RGS8: variants seen among roughly 807,000 people sequenced by gnomAD.
RGS8 encodes the protein regulator of G protein signaling 8.
Under a neutral mutation model 21.7 loss-of-function variants are expected in RGS8, and 8 were observed. The observed-to-expected ratio is 0.37, with a 90% confidence interval of 0.22 to 0.66. The LOEUF (loss-of-function observed/expected upper bound fraction) is 0.66, where lower values mean the gene tolerates loss of function less well. Ranked by LOEUF, RGS8 falls within the 30% of genes least tolerant of loss-of-function variation. The pLI is 0.59. For missense variants in RGS8, 157 were observed against 217.9 expected (o/e 0.72, Z 1.76); for synonymous variants, 80 against 83.6 (o/e 0.96, Z 0.24).
At chr1:182,668,109 A>C (rs975737242) in intron 3 of RGS8, among the ~76,000 whole-genome samples, 3 of 152,244 alleles carry the variant, frequency 2.0e-5, no homozygotes, top group Admixed American at 6.5e-5. Context: ...GCTGCTTTCA[A>C]CTACAAGGGC....
chr1:182,646,666 C>T, exon 7 of RGS8: 1 of 1,426,004 alleles, frequency 7.0e-7, no homozygotes, highest in Non-Finnish European at 9.7e-7. Flanking sequence ...TGACATTTCA[C>T]ATTAGAATAT....
chr1:182,721,053 A>AT, the RGS8 span, among the ~76,000 whole-genome samples: 2 of 88,396 alleles, frequency 2.3e-5, 1 homozygote, highest in South Asian at 6.9e-4. Context: ...ATACATACAT[A>AT]TATATGTGTG....
chr1:182,659,340 G>A (rs1472228876), intron 5 of RGS8, among the ~76,000 whole-genome samples: 1 of 152,206 alleles, frequency 6.6e-6, no homozygotes, highest in Non-Finnish European at 1.5e-5. Flanking sequence ...GTAGACAAAA[G>A]AAGTGTCCCC....
the RGS8 span, among the ~76,000 whole-genome samples, chr1:182,711,206 C>A: frequency 6.6e-6 from 1 of 152,166 alleles, no homozygotes; most frequent in Non-Finnish European, 1.5e-5. Context: ...TGATCACTTG[C>A]CTTTTTCAGG....
the RGS8 span, among the ~76,000 whole-genome samples, chr1:182,690,253 A>G: frequency 0.014 from 2,196 of 152,294 alleles, 59 homozygotes; most frequent in African/African-American, 0.05. Context: ...CCCCCCTGAC[A>G]TCTCATAACA....
rs1295912317 is a variant in RGS8, at chr1:182,663,058, A to AT, written c.193+2910dup. 1.1e-3 allele frequency among the ~76,000 whole-genome samples: 172 copies of AT among 152,008 alleles called. 1 individual carries two copies. Among genetic ancestry groups the AT allele is most frequent in the African/African-American group, 4.0e-3 (164 of 41,472 alleles). On this transcript the variant is annotated intron_variant, in intron 5 of 6. Transcript: ENST00000483095. Reference sequence around the variant, plus strand: ...GGGAGTGGGTTCTAGACTCCTGAACATTTTTTTTGGAGCCCAGTCATTCAG... The same window carrying AT: ...GGGAGTGGGTTCTAGACTCCTGAACATTTTTTTTTGGAGCCCAGTCATTCAG...
At chr1:182,673,396 G>A (rs934242099), upstream of RGS8, among the ~76,000 whole-genome samples, 1 of 152,080 alleles carries the variant, frequency 6.6e-6, no homozygotes, top group Non-Finnish European at 1.5e-5. Flanking sequence ...CATGCCAGAG[G>A]AGGCACAAGG....
the RGS8 span, among the ~76,000 whole-genome samples, chr1:182,693,740 G>C: frequency 1.3e-5 from 2 of 152,152 alleles, no homozygotes; most frequent in African/African-American, 4.8e-5. Flanking sequence ...TCAATGGGTG[G>C]ACTGGATAAA....
intron 6 of RGS8, among the ~76,000 whole-genome samples, chr1:182,647,137 T>C (rs1459579622): frequency 1.3e-5 from 2 of 152,198 alleles, no homozygotes; most frequent in Non-Finnish European, 2.9e-5. Flanking sequence ...TAGACAACAA[T>C]ACTGGAAAGA....
chr1:182,727,560 C>G, the RGS8 span, among the ~76,000 whole-genome samples: 1 of 152,072 alleles, frequency 6.6e-6, no homozygotes, highest in Non-Finnish European at 1.5e-5. Context: ...AACTCATAAC[C>G]TAAATGGAAT....
At chr1:182,715,389 G>A in the RGS8 span, among the ~76,000 whole-genome samples, 7 of 152,196 alleles carry the variant, frequency 4.6e-5, no homozygotes, top group South Asian at 6.2e-4. Flanking sequence ...ACCTGAGCAC[G>A]CTCCCCACTC....
At chr1:182,651,902 G>C (rs1373143727) in intron 5 of RGS8, among the ~76,000 whole-genome samples, 1 of 152,216 alleles carries the variant, frequency 6.6e-6, no homozygotes, top group African/African-American at 2.4e-5. Flanking sequence ...GTGAAGGGCT[G>C]GTTTAGCAAG....
chr1:182,714,783 C>T, the RGS8 span, among the ~76,000 whole-genome samples: 162 of 152,248 alleles, frequency 1.1e-3, 6 homozygotes, highest in East Asian at 0.026. Context: ...CAAAATATAA[C>T]TGAAACGTAA....
chr1:182,659,503 G>A (rs1366147768), intron 5 of RGS8, among the ~76,000 whole-genome samples: 1 of 152,140 alleles, frequency 6.6e-6, no homozygotes, highest in African/African-American at 2.4e-5. Context: ...GTTTGAGACT[G>A]GCCTGACCAA....
the RGS8 span, among the ~76,000 whole-genome samples, chr1:182,692,254 C>T: frequency 2.0e-5 from 3 of 152,192 alleles, no homozygotes; most frequent in East Asian, 1.9e-4. Context: ...CTGCCCACCT[C>T]GGCCTCCCAA....
At chr1:182,673,259 A>G (rs1664248022), upstream of RGS8, among the ~76,000 whole-genome samples, 2 of 152,348 alleles carry the variant, frequency 1.3e-5, no homozygotes, top group South Asian at 4.1e-4. Flanking sequence ...TTAAATGTAT[A>G]AAGCATTTTC....
upstream of RGS8, among the ~76,000 whole-genome samples, chr1:182,685,277 G>A (rs111718019): frequency 5.2e-4 from 79 of 152,296 alleles, no homozygotes; most frequent in African/African-American, 1.8e-3. Flanking sequence ...AGAATGTGAC[G>A]CTTCTGTCTG....
At chr1:182,676,680 G>C (rs966332018), upstream of RGS8, among the ~76,000 whole-genome samples, 1 of 152,184 alleles carries the variant, frequency 6.6e-6, no homozygotes. Context: ...GAACATCAGA[G>C]GGGACATGGA....
chr1:182,698,889 T>C, the RGS8 span, among the ~76,000 whole-genome samples: 1 of 152,182 alleles, frequency 6.6e-6, no homozygotes, highest in African/African-American at 2.4e-5. Flanking sequence ...TAGAACAATG[T>C]GTGTGTGACT....
Sources: allele counts gnomAD v4.1 joint callset (sites outside exome capture counted in the v4.1 genomes callset), GRCh38; gene constraint gnomAD v4.1.1; transcripts MANE v1.5; gene names NCBI Gene and HGNC (gene_info 2026-07-23, HGNC 2026-07-21).